The following ELAVL2 variants were observed in gnomAD, a reference collection of about 807,000 sequenced individuals.
ELAVL2 encodes the protein ELAV like RNA binding protein 2.
A neutral mutation model predicts 34.6 loss-of-function variants in ELAVL2; 4 were observed. That is an observed-to-expected ratio of 0.12 (90% CI 0.06 to 0.26). ELAVL2 has a LOEUF of 0.26. Ranked by LOEUF, ELAVL2 falls within the 10% of genes least tolerant of loss-of-function variation. The pLI is 1.00. For missense variants in ELAVL2, 432 were observed against 442.8 expected (o/e 0.98, Z 0.22); for synonymous variants, 193 against 154.8 (o/e 1.25, Z -1.83).
chr9:23,826,660 A>C (rs1588884517), upstream of ELAVL2, among the ~76,000 whole-genome samples: 3 of 152,162 alleles, frequency 2.0e-5, no homozygotes, highest in Admixed American at 2.0e-4. Context: ...CTTTCCTCTT[A>C]AATCTTTCTG....
intron 5 of ELAVL2, among the ~76,000 whole-genome samples, chr9:23,696,717 G>A (rs1382657337): frequency 2.0e-5 from 3 of 151,868 alleles, no homozygotes; most frequent in Non-Finnish European, 2.9e-5. Context: ...TGATCCACCC[G>A]CCTTGGCCTC....
rs746480535 is a variant in ELAVL2, at chr9:23,730,854, C to A, written c.333+168G>T. Among the ~76,000 whole-genome samples the A allele has an allele frequency of 6.8e-4, 104 of 152,230 alleles. 1 individual carries two copies. The Middle Eastern group carries it at 0.01, about 15-fold the overall frequency. ...TACATGAATGATTATACATAGCACT[C>A]TTGAACAAACAGTTTCTTCCATCTT... On this transcript the variant is annotated intron_variant, in intron 3 of 6. Transcript: ENST00000397312.
chr9:23,834,542 A>G, the ELAVL2 span, among the ~76,000 whole-genome samples: 10 of 152,170 alleles, frequency 6.6e-5, no homozygotes, highest in South Asian at 1.9e-3. Context: ...ACTTCCTGAC[A>G]TGGAGGAAGC....
At chr9:23,704,888 A>T in intron 4 of ELAVL2, 30 bp downstream of exon 4, 2 of 1,612,138 alleles carry the variant, frequency 1.2e-6, no homozygotes. Flanking sequence ...AGAGACAGGG[A>T]AAGACTGTCC....
chr9:23,821,263 G>GCCGCACCCGGGCACGT (rs1376008549), intron 1 of ELAVL2: 3 of 152,374 alleles, frequency 2.0e-5, no homozygotes, highest in Non-Finnish European at 4.4e-5. Flanking sequence ...GCTACACGCG[G>GCCGCACCCGGGCACGT]CCGCACCCGG....
intron 2 of ELAVL2, among the ~76,000 whole-genome samples, chr9:23,738,258 G>C (rs1335739531): frequency 6.6e-6 from 1 of 152,234 alleles, no homozygotes; most frequent in Non-Finnish European, 1.5e-5. Flanking sequence ...GAGAATCTCA[G>C]AACAGAGGGA....
intron 1 of ELAVL2, among the ~76,000 whole-genome samples, chr9:23,778,197 T>G (rs968071621): frequency 2.0e-5 from 3 of 152,106 alleles, no homozygotes; most frequent in Non-Finnish European, 4.4e-5. Context: ...TCTGCTTAAA[T>G]AAATCACGTG....
chr9:23,694,724 T>C (rs1043117806), intron 5 of ELAVL2, among the ~76,000 whole-genome samples: 1 of 152,236 alleles, frequency 6.6e-6, no homozygotes, highest in African/African-American at 2.4e-5. Flanking sequence ...GGGAAATATA[T>C]AGCCTCCCAC....
At chr9:23,760,201 G>C (rs760688284) in intron 2 of ELAVL2, among the ~76,000 whole-genome samples, 12 of 151,960 alleles carry the variant, frequency 7.9e-5, no homozygotes, top group Non-Finnish European at 1.3e-4. Context: ...GTGAGGATCT[G>C]TAAGATGTCT....
chr9:23,802,013 T>C (rs1324732197), intron 1 of ELAVL2, among the ~76,000 whole-genome samples: 1 of 152,202 alleles, frequency 6.6e-6, no homozygotes. Flanking sequence ...AGATTGTTTA[T>C]CTGTTTCGTT....
At chr9:23,808,410 A>C (rs1414393171) in intron 1 of ELAVL2, among the ~76,000 whole-genome samples, 1 of 152,192 alleles carries the variant, frequency 6.6e-6, no homozygotes, top group African/African-American at 2.4e-5. Context: ...AAGATCACAA[A>C]TATTTACTAA....
chr9:23,740,758 CA>C (rs1463054655), intron 2 of ELAVL2, among the ~76,000 whole-genome samples: 4 of 152,156 alleles, frequency 2.6e-5, no homozygotes, highest in Non-Finnish European at 4.4e-5. Flanking sequence ...GAGGTATCTG[CA>C]TTATAAAAAG....
chr9:23,844,016 A>G, the ELAVL2 span, among the ~76,000 whole-genome samples: 3 of 152,044 alleles, frequency 2.0e-5, no homozygotes, highest in Non-Finnish European at 2.9e-5. Context: ...AGAAAAATAT[A>G]TACTTCATCT....
chr9:23,821,802 C>T (rs1028469174), intron 1 of ELAVL2: 10 of 151,526 alleles, frequency 6.6e-5, no homozygotes, highest in Non-Finnish European at 1.5e-4. Flanking sequence ...CTCACCCGGC[C>T]GGCTACTGCC....
chr9:23,822,006 T>G (rs2064864514), intron 1 of ELAVL2, among the ~76,000 whole-genome samples: 1 of 151,392 alleles, frequency 6.6e-6, no homozygotes, highest in Non-Finnish European at 1.5e-5. Context: ...CTCAGCTCCG[T>G]CCCTCCGGAC....
At chr9:23,792,600 A>T (rs1288149293) in intron 1 of ELAVL2, among the ~76,000 whole-genome samples, 1 of 152,120 alleles carries the variant, frequency 6.6e-6, no homozygotes, top group African/African-American at 2.4e-5. Context: ...ACTTGCTCAA[A>T]TACCATCAAT....
Position 23,756,731 on chromosome 9 carries a change from A to G in ELAVL2, c.229+5275T>C, listed in dbSNP as rs180908376. On this transcript the variant is annotated intron_variant, in intron 2 of 6. Transcript: ENST00000397312. ...TTAAACTTAAACTTTCCAAAGAATT[A>G]AGTACTGCAATTGTTAACACCTCTT... Among the ~76,000 whole-genome samples the G allele has an allele frequency of 9.9e-4, 151 of 152,312 alleles. No individual in the cohort carries two copies. The Middle Eastern group carries it at 0.014, about 14-fold the overall frequency.
In ELAVL2 at chr9:23,731,664, C is replaced by T. The variant is rs554649372; in HGVS notation, c.230-539G>A. On this transcript the variant is annotated intron_variant, in intron 2 of 6. Coordinates refer to ENST00000397312, the MANE Select transcript of ELAVL2 (RefSeq NM_004432.5). ...TGTATACATGTAAGTTTATTTTAGA[C>T]GAGGGCTTATCTTCAAATACACTCA... Among the ~76,000 whole-genome samples, 23 of 152,068 alleles carry T rather than the reference C, an allele frequency of 1.5e-4. No homozygotes were observed. In the South Asian group the frequency reaches 1.7e-3, roughly 11 times the overall value.
At chr9:23,798,747 A>G (rs935675375) in intron 1 of ELAVL2, among the ~76,000 whole-genome samples, 9 of 152,074 alleles carry the variant, frequency 5.9e-5, no homozygotes, top group African/African-American at 2.2e-4. Context: ...CACCTAGGTG[A>G]ACACTTTCCA....
Sources: allele counts gnomAD v4.1 joint callset (sites outside exome capture counted in the v4.1 genomes callset), GRCh38; gene constraint gnomAD v4.1.1; transcripts MANE v1.5; gene names NCBI Gene and HGNC (gene_info 2026-07-23, HGNC 2026-07-21).